The following CDK17 variants were observed in gnomAD, a reference collection of about 807,000 sequenced individuals.
The protein encoded by CDK17 is cyclin dependent kinase 17, also known as cyclin-dependent kinase 17.
In CDK17, 24 loss-of-function variants were observed where a neutral mutation model predicts 77.6. The ratio of observed to expected loss-of-function variants is 0.31; its 90% CI spans 0.22 to 0.44. The LOEUF (loss-of-function observed/expected upper bound fraction) is 0.44. CDK17 is among the 20% of genes least tolerant of loss of function. The pLI is 1.00. For missense variants in CDK17, 429 were observed against 622.5 expected, an observed-to-expected ratio of 0.69 and a Z score of 3.31; for synonymous variants, 203 against 210.4, an observed-to-expected ratio of 0.96 and a Z score of 0.30.
At chr12:96,333,660 C>A (rs1486396691) in intron 2 of CDK17, among the ~76,000 whole-genome samples, 3 of 132,094 alleles carry the variant, frequency 2.3e-5, no homozygotes, top group African/African-American at 9.2e-5. Flanking sequence ...GGCAGCAGAG[C>A]GAGACTGTCT....
intron 3 of CDK17, among the ~76,000 whole-genome samples, chr12:96,314,066 A>G (rs1366847648): frequency 6.6e-6 from 1 of 152,220 alleles, no homozygotes; most frequent in African/African-American, 2.4e-5. Flanking sequence ...ATGATCTTCA[A>G]ATACTCAAAA....
intron 10 of CDK17, among the ~76,000 whole-genome samples, chr12:96,292,536 CGAAG>C (rs1349966297): frequency 6.6e-6 from 1 of 152,018 alleles, no homozygotes. Flanking sequence ...ACCCAGAAGG[CGAAG>C]GTTGTAGTGA....
chr12:96,309,081 G>A (rs145942160), intron 5 of CDK17, among the ~76,000 whole-genome samples: 204 of 152,174 alleles, frequency 1.3e-3, no homozygotes, highest in African/African-American at 4.8e-3. Context: ...CTCATTACAT[G>A]GGAAGAAGTC....
At chr12:96,316,295 G>A (rs1157766530) in intron 3 of CDK17, among the ~76,000 whole-genome samples, 8 of 152,052 alleles carry the variant, frequency 5.3e-5, no homozygotes, top group Non-Finnish European at 8.8e-5. Flanking sequence ...CACCTGGCTC[G>A]GAGGGTCCTA....
At chr12:96,399,667 C>A (rs1954227124) in intron 1 of CDK17, among the ~76,000 whole-genome samples, 1 of 152,190 alleles carries the variant, frequency 6.6e-6, no homozygotes. Context: ...GCCTCCCCCG[C>A]AGACCAAAGC....
intron 2 of CDK17, among the ~76,000 whole-genome samples, chr12:96,328,493 T>C (rs770225540): frequency 1.3e-4 from 20 of 152,162 alleles, no homozygotes; most frequent in Non-Finnish European, 2.4e-4. Context: ...TAATCATGAG[T>C]TTCTAAGTTA....
At chr12:96,300,923 A>C (rs1478311165) in intron 5 of CDK17, among the ~76,000 whole-genome samples, 1 of 135,382 alleles carries the variant, frequency 7.4e-6, no homozygotes, top group Non-Finnish European at 1.6e-5. Context: ...ACATTCTGTC[A>C]TGAAAAATAT....
chr12:96,307,815 G>A (rs1257235101), intron 5 of CDK17, among the ~76,000 whole-genome samples: 1 of 152,088 alleles, frequency 6.6e-6, no homozygotes, highest in East Asian at 1.9e-4. Context: ...GTTGCAACGA[G>A]CCGAGATCGC....
At chr12:96,341,863 G>A (rs77436614) in intron 1 of CDK17, among the ~76,000 whole-genome samples, 8,771 of 152,214 alleles carry the variant, frequency 0.058, 337 homozygotes, top group East Asian at 0.13. Flanking sequence ...TCACCTTATA[G>A]TCAAGCTACT....
rs763020002 is a variant in CDK17, at chr12:96,286,160, A to G, written c.1217-12T>C. ...CTGAGATGGAGTTCCTGAATTAAAA[A>G]AAAAAATTAAATATATTTATAAATA... On this transcript the variant is annotated splice_polypyrimidine_tract_variant and intron_variant, in intron 12 of 16. Transcript: ENST00000261211. 1.0e-5 allele frequency: 9 copies of G among 861,700 alleles called. No individual in the cohort carries two copies. In the South Asian group the frequency reaches 2.5e-4, roughly 24 times the overall value. The allele number at this position is 861,700 out of a possible 1,614,324, so 53.4% of individuals were successfully genotyped here.
intron 1 of CDK17, among the ~76,000 whole-genome samples, chr12:96,395,761 G>A (rs1954158157): frequency 6.6e-6 from 1 of 152,096 alleles, no homozygotes; most frequent in Non-Finnish European, 1.5e-5. Context: ...GACGGGATTT[G>A]TGCCCTTTTA....
chr12:96,281,011 C>G (rs1952172592), intron 15 of CDK17, 126 bp from the exon 16 acceptor site: 1 of 788,066 alleles, frequency 1.3e-6, no homozygotes. Context: ...AGGTGATAGC[C>G]CTGCTGAAAT....
At chr12:96,392,152 T>C (rs975766672) in intron 1 of CDK17, among the ~76,000 whole-genome samples, 17 of 152,136 alleles carry the variant, frequency 1.1e-4, no homozygotes, top group Non-Finnish European at 1.5e-5. Flanking sequence ...ACAGTATACA[T>C]AAATACTATA....
rs150462765 is a variant in CDK17, at chr12:96,346,586, C to T, written c.-29-11721G>A. ...CAGCTTGCAGTGAGCCAAGATTCCA[C>T]CACTGCACTCCAGCCTGGGCAACAA... On this transcript the variant is annotated intron_variant, in intron 1 of 16. Coordinates refer to ENST00000261211, the MANE Select transcript of CDK17 (RefSeq NM_002595.5). 1.7e-4 allele frequency among the ~76,000 whole-genome samples: 26 copies of T among 151,252 alleles called. No individual in the cohort carries two copies. The East Asian group carries it at 3.4e-3, about 20-fold the overall frequency.
chr12:96,350,867 T>C (rs1953300996), intron 1 of CDK17, among the ~76,000 whole-genome samples: 1 of 152,072 alleles, frequency 6.6e-6, no homozygotes, highest in East Asian at 1.9e-4. Context: ...AACAGACATA[T>C]TGGACTTTAA....
At chr12:96,284,252 C>T (rs930706988) in intron 13 of CDK17, among the ~76,000 whole-genome samples, 5 of 152,022 alleles carry the variant, frequency 3.3e-5, no homozygotes, top group African/African-American at 1.2e-4. Context: ...GGGTGGATCA[C>T]GAGGTCAGGA....
chr12:96,335,880 C>A (rs1311754153), intron 1 of CDK17, among the ~76,000 whole-genome samples: 1 of 152,166 alleles, frequency 6.6e-6, no homozygotes, highest in Non-Finnish European at 1.5e-5. Flanking sequence ...GATTGCCATG[C>A]ACACTATAAC....
Position 96,343,519 on chromosome 12 carries a change from C to A in CDK17, c.-29-8654G>T, listed in dbSNP as rs74565525. Among the ~76,000 whole-genome samples, 71 of 152,288 alleles carry A rather than the reference C, an allele frequency of 4.7e-4. No individual in the cohort carries two copies. In the East Asian group the frequency reaches 0.013, roughly 29 times the overall value. Reference sequence around the variant, plus strand: ...CTTTATTTAGGCCCTCTGGGGCTACCGGGCAGGGGAGGCGCACCTGCATCT... The same window carrying A: ...CTTTATTTAGGCCCTCTGGGGCTACAGGGCAGGGGAGGCGCACCTGCATCT... On this transcript the variant is annotated intron_variant, in intron 1 of 16. Coordinates refer to ENST00000261211, the MANE Select transcript of CDK17 (RefSeq NM_002595.5).
At chr12:96,345,173 G>A (rs1953185744) in intron 1 of CDK17, among the ~76,000 whole-genome samples, 1 of 152,156 alleles carries the variant, frequency 6.6e-6, no homozygotes, top group Non-Finnish European at 1.5e-5. Context: ...CCTTTTTGTG[G>A]CTGAATAGTA....
Sources: allele counts gnomAD v4.1 joint callset (sites outside exome capture counted in the v4.1 genomes callset), GRCh38; gene constraint gnomAD v4.1.1; transcripts MANE v1.5; gene names NCBI Gene and HGNC (gene_info 2026-07-23, HGNC 2026-07-21).